Variants in RANBP2 observed in about 807,000 individuals in gnomAD.
RANBP2 encodes the protein RAN binding protein 2, also known as E3 SUMO-protein ligase RanBP2.
RANBP2 carries 57 observed loss-of-function variants against 303.6 expected under a neutral mutation model. That is an observed-to-expected ratio of 0.19 (90% CI 0.15 to 0.23). RANBP2 has a LOEUF of 0.23. RANBP2 is among the 10% of genes least tolerant of loss of function. RANBP2 has a pLI of 1.00. For synonymous variants in RANBP2, 1,167 were observed against 1,301.5 expected, an observed-to-expected ratio of 0.90 and a Z score of 2.23; for missense variants, 3,138 against 3,780.8, an observed-to-expected ratio of 0.83 and a Z score of 4.46.
the RANBP2 span, among the ~76,000 whole-genome samples, chr2:109,660,695 AG>A: frequency 6.6e-6 from 1 of 152,236 alleles, no homozygotes. Context: ...TGAGCCGCAG[AG>A]TGCTGGTTCT....
the RANBP2 span, among the ~76,000 whole-genome samples, chr2:108,798,816 T>C: frequency 1.1e-4 from 15 of 131,636 alleles, no homozygotes; most frequent in East Asian, 4.7e-4. Context: ...TCTCCACACC[T>C]ACACACACAC....
At chr2:109,437,734 G>A in the RANBP2 span, among the ~76,000 whole-genome samples, 2 of 151,644 alleles carry the variant, frequency 1.3e-5, no homozygotes, top group Non-Finnish European at 2.9e-5. Context: ...AAGGAAAACC[G>A]GTTTGGCCCC....
chr2:109,206,490 C>CAAAAAAAAA, the RANBP2 span, among the ~76,000 whole-genome samples: 11 of 40,760 alleles, frequency 2.7e-4, 1 homozygote, highest in African/African-American at 9.9e-4. Flanking sequence ...GACTCCGTCT[C>CAAAAAAAAA]AAAAAAAAAA....
chr2:109,471,206 C>CAA, the RANBP2 span, among the ~76,000 whole-genome samples: 1,816 of 39,476 alleles, frequency 0.046, 146 homozygotes, highest in East Asian at 0.11. Context: ...GACTCTGTCT[C>CAA]AAAAAAAAAA....
At chr2:108,775,288 T>C (rs1677802089) in intron 23 of RANBP2, among the ~76,000 whole-genome samples, 1 of 152,256 alleles carries the variant, frequency 6.6e-6, no homozygotes, top group South Asian at 2.1e-4. Flanking sequence ...TATGAAAATA[T>C]TTTGAATAAT....
the RANBP2 span, chr2:109,545,749 A>G: frequency 1.5e-5 from 21 of 1,427,874 alleles, no homozygotes; most frequent in South Asian, 3.1e-5. Flanking sequence ...GGGCTATTCA[A>G]TAAGAGCAGC....
At chr2:109,387,700 C>T in the RANBP2 span, among the ~76,000 whole-genome samples, 13 of 152,240 alleles carry the variant, frequency 8.5e-5, no homozygotes, top group Non-Finnish European at 1.8e-4. Flanking sequence ...CACCATTCAA[C>T]GTCCTCTATG....
chr2:109,463,061 G>A, the RANBP2 span, among the ~76,000 whole-genome samples: 1 of 152,212 alleles, frequency 6.6e-6, no homozygotes, highest in Non-Finnish European at 1.5e-5. Context: ...TCCTCAAGAA[G>A]ACCTAACCTG....
At chr2:108,952,444 G>C in the RANBP2 span, among the ~76,000 whole-genome samples, 1 of 152,200 alleles carries the variant, frequency 6.6e-6, no homozygotes. Context: ...GATTAGGAAG[G>C]TTCAATTGAT....
chr2:109,396,876 C>G, the RANBP2 span, among the ~76,000 whole-genome samples: 1 of 152,280 alleles, frequency 6.6e-6, no homozygotes, highest in Non-Finnish European at 1.5e-5. Flanking sequence ...CTTCACTTGC[C>G]TGCTGTGGTT....
At chr2:109,660,713 A>G in the RANBP2 span, among the ~76,000 whole-genome samples, 1 of 152,206 alleles carries the variant, frequency 6.6e-6, no homozygotes, top group Non-Finnish European at 1.5e-5. Flanking sequence ...TTCTGCCACC[A>G]CATGACCTTA....
chr2:108,894,163 AT>A, the RANBP2 span, among the ~76,000 whole-genome samples: 8 of 152,188 alleles, frequency 5.3e-5, no homozygotes, highest in African/African-American at 9.6e-5. Flanking sequence ...AAGCCATTGA[AT>A]TTTAAGACAA....
At chr2:109,221,880 A>G in the RANBP2 span, among the ~76,000 whole-genome samples, 3 of 152,190 alleles carry the variant, frequency 2.0e-5, no homozygotes, top group Admixed American at 6.5e-5. Flanking sequence ...AAAAGAAATC[A>G]GTGTATCAAA....
chr2:109,131,315 G>A, the RANBP2 span, among the ~76,000 whole-genome samples: 2 of 152,080 alleles, frequency 1.3e-5, no homozygotes, highest in African/African-American at 4.8e-5. Flanking sequence ...GTCACTTGGG[G>A]GGCACTGCTG....
At chr2:108,798,753 A>G in the RANBP2 span, among the ~76,000 whole-genome samples, 1 of 121,128 alleles carries the variant, frequency 8.3e-6, no homozygotes, top group Admixed American at 9.0e-5. Context: ...TTTCTGATCC[A>G]TTTGAAAGCA....
chr2:109,509,502 G>C, the RANBP2 span, among the ~76,000 whole-genome samples: 1 of 152,014 alleles, frequency 6.6e-6, no homozygotes, highest in Non-Finnish European at 1.5e-5. Flanking sequence ...CAGCTGTGGC[G>C]GGTCGTCTTG....
the RANBP2 span, among the ~76,000 whole-genome samples, chr2:109,735,135 T>G: frequency 6.6e-6 from 1 of 152,208 alleles, no homozygotes; most frequent in Non-Finnish European, 1.5e-5. Flanking sequence ...TTTTTGTCCA[T>G]TAACTAACCT....
the RANBP2 span, among the ~76,000 whole-genome samples, chr2:109,240,861 C>G: frequency 6.6e-6 from 1 of 150,424 alleles, no homozygotes; most frequent in Non-Finnish European, 1.5e-5. Context: ...CACCCCTGCC[C>G]TTGGGAACTT....
the RANBP2 span, among the ~76,000 whole-genome samples, chr2:109,294,781 G>T: frequency 6.6e-6 from 1 of 152,102 alleles, no homozygotes; most frequent in Non-Finnish European, 1.5e-5. Flanking sequence ...TGGGAGGATG[G>T]CTCCAAGTGA....
Sources: gnomAD v4.1 joint callset for allele counts (sites outside exome capture counted in the v4.1 genomes callset) on GRCh38, gnomAD v4.1.1 for gene constraint, MANE v1.5 for transcripts, NCBI Gene and HGNC (gene_info 2026-07-23, HGNC 2026-07-21) for gene names.